The following LRP1 variants were observed in gnomAD, a reference collection of about 807,000 sequenced individuals.
The protein encoded by LRP1 is LDL receptor related protein 1, also known as prolow-density lipoprotein receptor-related protein 1.
In LRP1, 51 loss-of-function variants were observed where a neutral mutation model predicts 541.5. That is an observed-to-expected ratio of 0.09 (90% confidence interval 0.08 to 0.12). LRP1 has a LOEUF of 0.12. Ranked by LOEUF, LRP1 falls within the 10% of genes least tolerant of loss-of-function variation. The probability of loss-of-function intolerance (pLI) is 1.00; values close to 1 mark genes in which losing one functional copy is unlikely to be tolerated. For synonymous variants in LRP1, 2,219 were observed against 2,470.8 expected, an observed-to-expected ratio of 0.90 and a Z score of 3.02; for missense variants, 3,878 against 6,376.2, an observed-to-expected ratio of 0.61 and a Z score of 13.34.
Position 57,159,945 on chromosome 12 carries a change from A to G in LRP1, c.1919A>G (p.Lys640Arg). 1 of 1,614,184 alleles carries G rather than the reference A, an allele frequency of 6.2e-7. No individual in the cohort carries two copies. Among genetic ancestry groups the G allele is most frequent in the Non-Finnish European group, 8.5e-7 (1 of 1,180,018 alleles). ...ARLEKAAQTR[K>R]TLIEGKMTHP... ...CTGGAGAAAGCTGCTCAGACCCGCA[A>G]GACTTTAATCGAGGGCAAAATGACA... is the stretch of plus-strand genomic sequence containing the variant. The change falls in exon 12 of 89, where the codon AAG becomes AGG. Residue 640 changes from lysine to arginine, a missense_variant. Transcript: ENST00000243077.
Position 57,189,299 on chromosome 12 carries a change from T to G in LRP1, c.7032-1506T>G, listed in dbSNP as rs527492271. 2.0e-5 allele frequency among the ~76,000 whole-genome samples: 3 copies of G among 152,116 alleles called. No individual in the cohort carries two copies. Among genetic ancestry groups the G allele is most frequent in the Admixed American group, 6.6e-5 (1 of 15,258 alleles). ...TCACCTGAGGTGTAGGAGTTCCTGG[T>G]GGGGACTGACAGGCCAAGTCCAATC... On this transcript the variant is annotated intron_variant, in intron 42 of 88. Coordinates refer to ENST00000243077, the MANE Select transcript of LRP1 (RefSeq NM_002332.3). This position sits in a 1 kb window ranked among gnomAD's most constrained non-coding sequence, Gnocchi z 4.4.
chr12:57,194,227 A>G (rs1446231090), intron 48 of LRP1, 127 bp from the exon 49 acceptor site: 1 of 1,134,262 alleles, frequency 8.8e-7, no homozygotes, highest in Non-Finnish European at 1.2e-6. Flanking sequence ...TGGTGCAGAC[A>G]GTGCCCCACC....
At position 57,162,423 on chromosome 12, in the gene LRP1, G is replaced by A. The variant is rs769851229; in HGVS notation, c.2309G>A (p.Arg770Gln). 21 of 1,613,986 alleles carry A rather than the reference G, an allele frequency of 1.3e-5. No individual in the cohort carries two copies. Among genetic ancestry groups the A allele is most frequent in the African/African-American group, 2.7e-5 (2 of 74,884 alleles). The stretch of plus-strand genomic sequence containing the variant: ...AGTGGCAGTGTCTACCGCTTGGAAC[G>A]GGGTGTAGGAGGCGCACCCCCCACT... ...YRSGSVYRLE[R>Q]GVGGAPPTVT... The change falls in exon 14 of 89, where the codon CGG (arginine) becomes CAG (glutamine). Residue 770 changes from arginine (R) to glutamine (Q), a missense_variant. By Grantham distance (43) the Arg-to-Gln change is conservative. Transcript: ENST00000243077. The surrounding 1 kb of genome is among the most constrained non-coding windows in gnomAD (Gnocchi z 5.2).
In LRP1 at chr12:57,211,568, C is replaced by G. The variant is rs781407317; in HGVS notation, c.13173C>G (p.Ser4391Arg). The change falls in exon 85 of 89, where the codon AGC becomes AGG. Residue 4391 changes from serine (S) to arginine (R), a missense_variant. Physicochemically the swap from Ser to Arg is moderately radical, Grantham distance 110 (BLOSUM62 -1). This residue lies in a region of LRP1 where 871 missense variants were observed against 1,212.4 expected (regional missense o/e 0.72). Transcript: ENST00000243077. This position sits in a 1 kb window ranked among gnomAD's most constrained non-coding sequence, Gnocchi z 4.3. ...CSNGGSCTMN[S>R]KMMPECQCPP... ...ATGGCGGCTCCTGTACCATGAACAG[C>G]AAAATGATGCCTGAGTGCCAGTGAG... 2 of 1,614,082 alleles carry G rather than the reference C, an allele frequency of 1.2e-6. No individual in the cohort carries two copies. The highest frequency in any genetic ancestry group is 3.3e-5 in the Admixed American group (2 of 60,028).
chr12:57,210,429 C>A lies in LRP1; in HGVS notation c.12703C>A (p.Gln4235Lys). The change falls in exon 82 of 89, where the codon CAG (glutamine) becomes AAG (lysine). Residue 4235 changes from glutamine to lysine, a missense_variant. Gln to Lys is a moderately conservative substitution (Grantham distance 53). Transcript: ENST00000243077. ...CACGGGTGACAAGTGTGAACTGGAC[C>A]AGTGCTGGGAGCACTGTCGCAATGG... ...RYTGDKCELD[Q>K]CWEHCRNGGT... The A allele has an allele frequency of 6.3e-7, 1 of 1,593,196 alleles. No homozygotes were observed.
chr12:57,201,823 G>T lies in LRP1; in HGVS notation c.10512G>T (p.Ser3504=), dbSNP rs770445215. The T allele has an allele frequency of 6.2e-7, 1 of 1,613,866 alleles. No homozygotes were observed. The highest frequency in any genetic ancestry group is 8.5e-7 in the Non-Finnish European group (1 of 1,179,996). Residue 3504 remains serine (S), a synonymous_variant, in exon 67 of 89, where the codon TCG becomes TCT. Coordinates refer to ENST00000243077, the MANE Select transcript of LRP1 (RefSeq NM_002332.3). This position sits in a 1 kb window ranked among gnomAD's most constrained non-coding sequence, Gnocchi z 6.4. ...CGVDEFRCKD[S]GRCIPARWKC... ...TGGACGAGTTCCGCTGCAAGGATTC[G>T]GGCCGCTGCATCCCAGCGCGTTGGA...
rs776151958 is a variant in LRP1 at position 57,210,435 on chromosome 12, T to C, written c.12709T>C (p.Trp4237Arg). ...TGDKCELDQCWEHCRNGGTCA... is the reference protein window; with the variant it reads ...TGDKCELDQCREHCRNGGTCA... ...TGACAAGTGTGAACTGGACCAGTGCTGGGAGCACTGTCGCAATGGGGGCAC... is the reference window on the plus strand; with the variant it reads ...TGACAAGTGTGAACTGGACCAGTGCCGGGAGCACTGTCGCAATGGGGGCAC... Residue 4237 changes from tryptophan (W) to arginine (R), a missense_variant, in exon 82 of 89, where the codon TGG becomes CGG. By Grantham distance (101) the Trp-to-Arg change is moderately radical. This residue lies in a region of LRP1 where 871 missense variants were observed against 1,212.4 expected (regional missense o/e 0.72). Coordinates refer to ENST00000243077, the MANE Select transcript of LRP1 (RefSeq NM_002332.3). The C allele has an allele frequency of 1.3e-4, 211 of 1,571,728 alleles. No individual in the cohort carries two copies. The highest frequency in any genetic ancestry group is 2.3e-5 in the Non-Finnish European group (26 of 1,155,466).
At position 57,166,174 on chromosome 12, in the gene LRP1, G is replaced by A. The variant is rs1293834823; in HGVS notation, c.2762G>A (p.Gly921Glu). Reference sequence around the variant, plus strand: ...CTCTGCGACGGGGACAATGACTGTGGGAACAGTGAAGATGAGTCCAATGCC... The same window carrying A: ...CTCTGCGACGGGGACAATGACTGTGAGAACAGTGAAGATGAGTCCAATGCC... ...RWLCDGDNDC[G>E]NSEDESNATC... Residue 921 changes from glycine to glutamate, a missense_variant, in exon 17 of 89, where the codon GGG becomes GAG. Gly to Glu is a moderately conservative substitution (Grantham distance 98). Around this residue, in one of 13 missense-constraint regions of LRP1, gnomAD observed 496 missense variants for 861.0 expected, o/e 0.58. Transcript: ENST00000243077. 6.2e-7 allele frequency: 1 copy of A among 1,613,692 alleles called. No homozygotes were observed. The highest frequency in any genetic ancestry group is 8.5e-7 in the Non-Finnish European group (1 of 1,179,824).
At chr12:57,143,900 A>C in intron 4 of LRP1, 102 bp downstream of exon 4, 1 of 1,422,124 alleles carries the variant, frequency 7.0e-7, no homozygotes, top group Non-Finnish European at 9.4e-7. Flanking sequence ...TGGAATAAGA[A>C]ACTAGAAGGA....
At position 57,201,178 on chromosome 12, in the gene LRP1, C is replaced by T. The variant is rs1355264372; in HGVS notation, c.10345+25C>T. On this transcript the variant is annotated intron_variant, in intron 65 of 88. Coordinates refer to ENST00000243077, the MANE Select transcript of LRP1 (RefSeq NM_002332.3). This position sits in a 1 kb window ranked among gnomAD's most constrained non-coding sequence, Gnocchi z 6.4. ...CGTGAGTGTCAGAGGTGGTGGTGGG[C>T]CGGTGGTGGGAGATGACACGGAAGC... The T allele has an allele frequency of 6.2e-7, 1 of 1,612,606 alleles. No individual in the cohort carries two copies.
chr12:57,141,779 G>A (rs2035297504), intron 3 of LRP1, among the ~76,000 whole-genome samples: 3 of 152,238 alleles, frequency 2.0e-5, no homozygotes, highest in African/African-American at 7.2e-5. Flanking sequence ...TCTCCAGGTG[G>A]CAGTTTTTCT....
chr12:57,212,858 G>A lies in LRP1; in HGVS notation c.*303G>A. On this transcript the variant is annotated 3_prime_UTR_variant, in exon 89 of 89. Transcript: ENST00000243077. The surrounding 1 kb of genome is among the most constrained non-coding windows in gnomAD (Gnocchi z 5.0). ...GCACCCCACTGGGAGAGCTGGTGGT[G>A]CAGCCTTCCCCTCCCTGTATAAGAC... The A allele has an allele frequency of 3.0e-6, 1 of 328,084 alleles. No individual in the cohort carries two copies. 20.3% of individuals were successfully genotyped at this position (328,084 alleles called of 1,614,324 possible).
chr12:57,202,689 G>A (rs1592658890), intron 68 of LRP1, 152 bp downstream of exon 68: 1 of 629,374 alleles, frequency 1.6e-6, no homozygotes, highest in Non-Finnish European at 2.9e-6. Context: ...TCCATGTCGT[G>A]TATTTGAGTT....
At position 57,196,195 on chromosome 12, in the gene LRP1, G is replaced by A. The variant is rs758822937; in HGVS notation, c.8810G>A (p.Arg2937His). The A allele has an allele frequency of 1.3e-5, 21 of 1,611,248 alleles. No individual in the cohort carries two copies. Among genetic ancestry groups the A allele is most frequent in the South Asian group, 3.3e-5 (3 of 91,052 alleles). ...GACTGTGGCGACAGCTCGGACGAGC[G>A]TGGCTGCCACATCAATGAGTGTCTC... is the stretch of plus-strand genomic sequence containing the variant. ...QDDCGDSSDE[R>H]GCHINECLSR... The change falls in exon 55 of 89, where the codon CGT becomes CAT. Residue 2937 changes from arginine to histidine, a missense_variant. Physicochemically the swap from Arg to His is conservative, Grantham distance 29 (BLOSUM62 0). Transcript: ENST00000243077.
At chr12:57,150,152 C>T (rs958172912) in intron 6 of LRP1, 2 of 164,330 alleles carry the variant, frequency 1.2e-5, no homozygotes, top group African/African-American at 4.8e-5. Flanking sequence ...AAAGAAGCTC[C>T]AGAGGCCTAT....
At chr12:57,160,189 T>C (rs976639987) in intron 12 of LRP1, among the ~76,000 whole-genome samples, 184 bp downstream of exon 12, 8 of 152,168 alleles carry the variant, frequency 5.3e-5, no homozygotes, top group South Asian at 4.2e-4. Context: ...TCCTTAAACA[T>C]AGAAGAAATC....
chr12:57,139,109 C>T (rs377000000), intron 2 of LRP1, among the ~76,000 whole-genome samples: 1 of 152,212 alleles, frequency 6.6e-6, no homozygotes, highest in African/African-American at 2.4e-5. Flanking sequence ...GAAAGGTCCC[C>T]GCCCAGCTTT....
chr12:57,165,897 G>A lies in LRP1; in HGVS notation c.2623G>A (p.Gly875Arg). 2.5e-6 allele frequency: 4 copies of A among 1,614,160 alleles called. No homozygotes were observed. The highest frequency in any genetic ancestry group is 3.4e-6 in the Non-Finnish European group (4 of 1,180,032). ...RCIQERWKCD[G>R]DNDCLDNSDE... ...CATCCAGGAGCGCTGGAAGTGTGAC[G>A]GAGACAACGATTGCCTGGACAACAG... The change falls in exon 16 of 89, where the codon GGA (glycine) becomes AGA (arginine). Residue 875 changes from glycine to arginine, a missense_variant. This residue lies in a region of LRP1 where 496 missense variants were observed against 861.0 expected (regional missense o/e 0.58). Transcript: ENST00000243077. The surrounding 1 kb of genome is among the most constrained non-coding windows in gnomAD (Gnocchi z 4.5).
chr12:57,196,377 TA>T (rs1223996514), intron 55 of LRP1, 100 bp downstream of exon 55: 4 of 1,177,376 alleles, frequency 3.4e-6, no homozygotes, highest in Non-Finnish European at 4.7e-6. Context: ...ACAGTGGGGA[TA>T]CAGCAGTGAA....
Sources: gnomAD v4.1 joint callset for allele counts (sites outside exome capture counted in the v4.1 genomes callset) on GRCh38, gnomAD v4.1.1 for gene constraint, gnomAD v4.1.1 regional missense constraint, Gnocchi (gnomAD v3.1) non-coding constraint, MANE v1.5 for transcripts, NCBI Gene and HGNC (gene_info 2026-07-23, HGNC 2026-07-21) for gene names.